Variants in METTL25 observed in about 807,000 individuals in gnomAD.
METTL25 encodes methyltransferase like 25.
METTL25 carries 64 observed loss-of-function variants against 71.6 expected under a neutral mutation model. That is an observed-to-expected ratio of 0.89 (90% CI 0.73 to 1.10). The LOEUF (loss-of-function observed/expected upper bound fraction) is 1.10, where lower values mean the gene tolerates loss of function less well. Ranked by LOEUF, METTL25 falls within the 50% of genes least tolerant of loss-of-function variation. The pLI, the probability that METTL25 is intolerant of heterozygous loss-of-function variation, is 0.00. For missense variants in METTL25, 807 were observed against 707.0 expected (o/e 1.14, Z -1.60); for synonymous variants, 287 against 250.3 (o/e 1.15, Z -1.38).
chr12:82,451,618 G>A (rs896674182), intron 8 of METTL25, among the ~76,000 whole-genome samples: 53 of 152,148 alleles, frequency 3.5e-4, no homozygotes, highest in African/African-American at 1.3e-3. Context: ...TCTCCGAACT[G>A]TGTATAGACA....
In METTL25 at chr12:82,438,875, G is replaced by T. The variant is rs776284035; in HGVS notation, c.1478+84G>T. ...TAGTCTTCAGGTGAATTTATGCAGG[G>T]TCACTGTTATTAGTAGAAGCAACTT... On this transcript the variant is annotated intron_variant, in intron 8 of 11. Transcript: ENST00000248306. 1.5e-5 allele frequency: 19 copies of T among 1,296,730 alleles called. No individual in the cohort carries two copies. In the African/African-American group the frequency reaches 2.1e-4, roughly 15 times the overall value. The allele number at this position is 1,296,730 out of a possible 1,614,324, so 80.3% of individuals were successfully genotyped here.
At chr12:82,473,388 G>A (rs772038203) in intron 9 of METTL25, among the ~76,000 whole-genome samples, 2 of 152,108 alleles carry the variant, frequency 1.3e-5, no homozygotes, top group African/African-American at 4.8e-5. Context: ...AGGGCATGTC[G>A]GCCAGGCCTC....
chr12:82,440,715 C>A (rs150174718), intron 8 of METTL25, among the ~76,000 whole-genome samples: 22 of 152,090 alleles, frequency 1.4e-4, no homozygotes, highest in African/African-American at 4.6e-4. Flanking sequence ...TTGAAGCCTG[C>A]TTTCAATAAC....
chr12:82,440,237 C>T (rs1219356866), intron 8 of METTL25, among the ~76,000 whole-genome samples: 1 of 151,922 alleles, frequency 6.6e-6, no homozygotes, highest in Non-Finnish European at 1.5e-5. Context: ...TATATTTCCT[C>T]TTTCTCTTAG....
intron 5 of METTL25, among the ~76,000 whole-genome samples, chr12:82,419,201 T>TA (rs757927671): frequency 7.5e-4 from 114 of 151,002 alleles, no homozygotes; most frequent in Non-Finnish European, 6.7e-4. Context: ...ATATTCTGGA[T>TA]AAAAAAAAAT....
intron 5 of METTL25, 101 bp from the exon 6 acceptor site, chr12:82,430,792 T>C (rs1273461194): frequency 1.6e-6 from 1 of 621,968 alleles, no homozygotes; most frequent in Non-Finnish European, 2.8e-6. Context: ...CTACTGTTTT[T>C]ACTTTCTCAA....
At chr12:82,411,929 A>G (rs1887586652) in intron 5 of METTL25, among the ~76,000 whole-genome samples, 2 of 152,138 alleles carry the variant, frequency 1.3e-5, no homozygotes, top group South Asian at 4.1e-4. Context: ...TTAACTTTAC[A>G]ATTTAATAAT....
chr12:82,387,020 A>G (rs1214375482), intron 2 of METTL25, 53 bp downstream of exon 2: 23 of 1,433,978 alleles, frequency 1.6e-5, no homozygotes, highest in Non-Finnish European at 1.9e-6. Flanking sequence ...TAGAAGCAAT[A>G]CTTTGTTCAT....
chr12:82,453,784 G>A (rs969791227), intron 8 of METTL25, among the ~76,000 whole-genome samples: 1 of 151,852 alleles, frequency 6.6e-6, no homozygotes, highest in African/African-American at 2.4e-5. Context: ...CTCTTATTTT[G>A]TAACTAGATG....
intron 2 of METTL25, among the ~76,000 whole-genome samples, chr12:82,389,433 A>G (rs1047562436): frequency 6.6e-6 from 1 of 152,010 alleles, no homozygotes; most frequent in African/African-American, 2.4e-5. Context: ...GTATTGATTT[A>G]TAGGAGTTTG....
chr12:82,368,305 A>G (rs530350763), intron 1 of METTL25, among the ~76,000 whole-genome samples: 2 of 152,316 alleles, frequency 1.3e-5, no homozygotes, highest in South Asian at 2.1e-4. Context: ...CATTTAACCA[A>G]TATGGTGCCT....
chr12:82,452,604 C>A (rs1478393832), intron 8 of METTL25, among the ~76,000 whole-genome samples: 3 of 152,166 alleles, frequency 2.0e-5, no homozygotes, highest in Non-Finnish European at 4.4e-5. Context: ...CTTGCACCTA[C>A]AAAAGAGCAA....
intron 8 of METTL25, among the ~76,000 whole-genome samples, chr12:82,450,403 T>A (rs1222864967): frequency 1.3e-5 from 2 of 151,952 alleles, no homozygotes; most frequent in African/African-American, 2.4e-5. Context: ...ATATATGTAA[T>A]TTTTTTTCAC....
chr12:82,376,486 A>G (rs1405630004), intron 1 of METTL25, among the ~76,000 whole-genome samples: 2 of 152,232 alleles, frequency 1.3e-5, no homozygotes, highest in African/African-American at 2.4e-5. Context: ...GTAATCTTCT[A>G]TGACAATTAT....
At position 82,478,131 on chromosome 12, in the gene METTL25, C is replaced by T. The variant is rs572828158; in HGVS notation, c.1719+779C>T. 2.0e-5 allele frequency among the ~76,000 whole-genome samples: 3 copies of T among 151,780 alleles called. No individual in the cohort carries two copies. In the South Asian group the frequency reaches 6.2e-4, roughly 31 times the overall value. On this transcript the variant is annotated intron_variant, in intron 11 of 11. Coordinates refer to ENST00000248306, the MANE Select transcript of METTL25 (RefSeq NM_032230.3). ...GTAAATAATGATGTACTTTCCTAAG[C>T]TGCCAGCTAACTTCAAGTCACTGGA...
rs1891534159 is a variant in METTL25, at chr12:82,456,907, T to G, written c.1572+87T>G. On this transcript the variant is annotated intron_variant, in intron 9 of 11. Transcript: ENST00000248306. ...TTGAGAGAATACAAAATAGTTTCCC[T>G]TCTAATTTTCTCTCATTTGTGAAAA... The G allele has an allele frequency of 7.1e-6, 4 of 563,912 alleles. No individual in the cohort carries two copies. The East Asian group carries it at 1.3e-4, about 19-fold the overall frequency. 34.9% of individuals were successfully genotyped at this position (563,912 alleles called of 1,614,324 possible).
intron 1 of METTL25, among the ~76,000 whole-genome samples, chr12:82,382,951 C>T (rs538735202): frequency 5.6e-4 from 85 of 152,236 alleles, no homozygotes; most frequent in Non-Finnish European, 1.1e-3. Context: ...CTCAGGCAAT[C>T]CTCATGTCTC....
At position 82,396,348 on chromosome 12, in the gene METTL25, A is replaced by G. The variant is rs890410295; in HGVS notation, c.532-2447A>G. 2.0e-5 allele frequency among the ~76,000 whole-genome samples: 3 copies of G among 152,086 alleles called. No homozygotes were observed. The South Asian group carries it at 6.2e-4, about 32-fold the overall frequency. The stretch of plus-strand genomic sequence containing the variant: ...TAATTACTAAGTTTATTTTGTATTT[A>G]TGAGACATTATTTACTGGAGTTTTT... On this transcript the variant is annotated intron_variant, in intron 3 of 11. Transcript: ENST00000248306.
chr12:82,393,914 A>G (rs565179639), intron 3 of METTL25, among the ~76,000 whole-genome samples: 2 of 152,056 alleles, frequency 1.3e-5, no homozygotes, highest in Non-Finnish European at 1.5e-5. Flanking sequence ...CTTTTGCTGT[A>G]TCCCGTGGGT....
Sources: allele counts gnomAD v4.1 joint callset (sites outside exome capture counted in the v4.1 genomes callset), GRCh38; gene constraint gnomAD v4.1.1; transcripts MANE v1.5; gene names NCBI Gene and HGNC (gene_info 2026-07-23, HGNC 2026-07-21).